Variants in TINAG observed in about 807,000 individuals in gnomAD.
The protein encoded by TINAG is tubulointerstitial nephritis antigen.
A neutral mutation model predicts 72.7 loss-of-function variants in TINAG; 83 were observed. The ratio of observed to expected loss-of-function variants is 1.14; its 90% CI spans 0.96 to 1.37. The LOEUF (loss-of-function observed/expected upper bound fraction) is 1.37. Ranked by LOEUF, TINAG falls within the 40% of genes most tolerant of loss-of-function variation. TINAG has a pLI of 0.00. For synonymous variants in TINAG, 234 were observed against 189.9 expected (o/e 1.23, Z -1.91); for missense variants, 685 against 576.6 (o/e 1.19, Z -1.93).
At chr6:54,358,675 T>C (rs1017383101) in intron 9 of TINAG, among the ~76,000 whole-genome samples, 2 of 151,846 alleles carry the variant, frequency 1.3e-5, no homozygotes, top group African/African-American at 2.4e-5. Context: ...GCCCTTAGTT[T>C]ATAGCTCAGA....
intron 4 of TINAG, among the ~76,000 whole-genome samples, chr6:54,335,725 T>C (rs1784849716): frequency 6.6e-6 from 1 of 152,192 alleles, no homozygotes; most frequent in Non-Finnish European, 1.5e-5. Context: ...TGCCTCCAAC[T>C]ACAGTGACAA....
In TINAG at chr6:54,362,030, A is replaced by G. The variant is rs577499035; in HGVS notation, c.1250+7394A>G. ...GAGATTGGTTCATAAGGCTTAAGAAAGGAGGCCGTCTTCATAATATAAAAG... is the reference window on the plus strand; with the variant it reads ...GAGATTGGTTCATAAGGCTTAAGAAGGGAGGCCGTCTTCATAATATAAAAG... On this transcript the variant is annotated intron_variant, in intron 9 of 10. Coordinates refer to ENST00000259782, the MANE Select transcript of TINAG (RefSeq NM_014464.4). 7.9e-5 allele frequency among the ~76,000 whole-genome samples: 12 copies of G among 151,754 alleles called. No homozygotes were observed. The East Asian group carries it at 2.2e-3, about 27-fold the overall frequency.
At position 54,312,193 on chromosome 6, in the gene TINAG, G is replaced by A. The variant is rs370724002; in HGVS notation, c.355+3288G>A. Reference sequence around the variant, plus strand: ...CCCACTTTAAACTTCCAAGTAGCTGGGACTACAGGTGCCTACCACCATGCC... The same window carrying A: ...CCCACTTTAAACTTCCAAGTAGCTGAGACTACAGGTGCCTACCACCATGCC... On this transcript the variant is annotated intron_variant, in intron 1 of 10. Coordinates refer to ENST00000259782, the MANE Select transcript of TINAG (RefSeq NM_014464.4). Among the ~76,000 whole-genome samples the A allele has an allele frequency of 7.2e-5, 11 of 152,026 alleles. No homozygotes were observed. The South Asian group carries it at 1.2e-3, about 17-fold the overall frequency.
intron 9 of TINAG, among the ~76,000 whole-genome samples, chr6:54,372,841 G>A (rs924941461): frequency 1.3e-5 from 2 of 150,260 alleles, no homozygotes; most frequent in African/African-American, 4.9e-5. Context: ...AAAGGCATAT[G>A]TTGCTATGGC....
At position 54,380,524 on chromosome 6, in the gene TINAG, A is replaced by G; in HGVS notation, c.1251-2A>G. 6.2e-7 allele frequency: 1 copy of G among 1,608,976 alleles called. No homozygotes were observed. Among genetic ancestry groups the G allele is most frequent in the Non-Finnish European group, 8.5e-7 (1 of 1,177,072 alleles). On this transcript the variant is annotated splice_acceptor_variant, in intron 9 of 10. Transcript: ENST00000259782. LOFTEE classifies it high-confidence loss of function. ...AATCTTTATTATTGTTATTAATTGT[A>G]GATGGGGCACACTGAGAGGAGCACA...
At chr6:54,372,999 T>C (rs1393140616) in intron 9 of TINAG, among the ~76,000 whole-genome samples, 2 of 152,074 alleles carry the variant, frequency 1.3e-5, no homozygotes, top group African/African-American at 4.8e-5. Flanking sequence ...TAATGAGTAC[T>C]AGCTGTGGCA....
rs899315784 is a variant in TINAG at position 54,308,965 on chromosome 6, C to T, written c.355+60C>T. The T allele has an allele frequency of 3.0e-6, 4 of 1,341,460 alleles. No homozygotes were observed. The African/African-American group carries it at 4.4e-5, about 15-fold the overall frequency. 83.1% of individuals were successfully genotyped at this position (1,341,460 alleles called of 1,614,324 possible). On this transcript the variant is annotated intron_variant, in intron 1 of 10. Coordinates refer to ENST00000259782, the MANE Select transcript of TINAG (RefSeq NM_014464.4). ...GTTCATAACAACAAGATCTGACAAA[C>T]GTTCTCTCTTTTTCTTCTTTCTTTT...
intron 9 of TINAG, among the ~76,000 whole-genome samples, chr6:54,364,153 A>G (rs1011093850): frequency 1.3e-5 from 2 of 151,474 alleles, no homozygotes; most frequent in Non-Finnish European, 3.0e-5. Context: ...TAGGAGGGGA[A>G]GATAACCAGG....
intron 3 of TINAG, among the ~76,000 whole-genome samples, chr6:54,321,651 C>G (rs1300028474): frequency 2.0e-5 from 3 of 151,140 alleles, no homozygotes; most frequent in South Asian, 2.1e-4. Flanking sequence ...GGAGGGAAAG[C>G]TACTTTGGAT....
At chr6:54,333,581 C>T (rs1043785470) in intron 4 of TINAG, among the ~76,000 whole-genome samples, 1 of 148,006 alleles carries the variant, frequency 6.8e-6, no homozygotes, top group African/African-American at 2.5e-5. Context: ...CAAACCTGCA[C>T]GTTCTACACA....
intron 4 of TINAG, 64 bp from the exon 5 acceptor site, chr6:54,343,162 T>G: frequency 4.4e-6 from 6 of 1,365,636 alleles, no homozygotes; most frequent in Non-Finnish European, 5.8e-6. Context: ...TAAAAGGGCG[T>G]GACATTTTCC....
intron 9 of TINAG, among the ~76,000 whole-genome samples, chr6:54,360,841 G>GGTTTTTTTTTTTTTTTTTTT (rs1763205258): frequency 3.8e-5 from 1 of 26,242 alleles, no homozygotes; most frequent in African/African-American, 1.0e-4. Flanking sequence ...CAGATACTGT[G>GGTTTTTTTTTTTTTTTTTTT]TTTTTTTTTT....
intron 8 of TINAG, 57 bp downstream of exon 8, chr6:54,351,454 C>T: frequency 6.6e-7 from 1 of 1,508,260 alleles, no homozygotes; most frequent in East Asian, 2.3e-5. Flanking sequence ...AACAACATTA[C>T]ATTGAGCTCA....
intron 7 of TINAG, 84 bp downstream of exon 7, chr6:54,349,980 A>G: frequency 2.4e-6 from 2 of 827,478 alleles, no homozygotes; most frequent in Non-Finnish European, 3.3e-6. Context: ...TTTAAAAACT[A>G]ATTAAAACTA....
At chr6:54,318,613 A>G (rs1378336691) in intron 1 of TINAG, among the ~76,000 whole-genome samples, 1 of 152,144 alleles carries the variant, frequency 6.6e-6, no homozygotes, top group East Asian at 1.9e-4. Context: ...ATAAGGCCTT[A>G]TAGGTTACAG....
chr6:54,375,368 C>G (rs1436453921), intron 9 of TINAG, among the ~76,000 whole-genome samples: 1 of 151,944 alleles, frequency 6.6e-6, no homozygotes, highest in African/African-American at 2.4e-5. Context: ...TAGAGAAAAT[C>G]CAGAAGAAGG....
intron 4 of TINAG, among the ~76,000 whole-genome samples, chr6:54,338,698 C>A (rs1056743378): frequency 8.2e-6 from 1 of 122,020 alleles, no homozygotes; most frequent in African/African-American, 3.3e-5. Context: ...CACTCCCAGG[C>A]GACAGAGCAA....
chr6:54,319,368 C>T (rs1200637648), intron 1 of TINAG, among the ~76,000 whole-genome samples: 1 of 152,038 alleles, frequency 6.6e-6, no homozygotes, highest in Non-Finnish European at 1.5e-5. Flanking sequence ...CAATTAAAAC[C>T]ATGAATTTGA....
chr6:54,359,575 A>G (rs567810900), intron 9 of TINAG, among the ~76,000 whole-genome samples: 4 of 151,912 alleles, frequency 2.6e-5, no homozygotes, highest in African/African-American at 9.6e-5. Context: ...ATCCTCTATC[A>G]TTGTGTATTC....
Sources: gnomAD v4.1 joint callset for allele counts (sites outside exome capture counted in the v4.1 genomes callset) on GRCh38, gnomAD v4.1.1 for gene constraint, MANE v1.5 for transcripts, NCBI Gene and HGNC (gene_info 2026-07-23, HGNC 2026-07-21) for gene names.